The following INTS3 variants were observed in gnomAD, a reference collection of about 807,000 sequenced individuals.
INTS3 encodes the protein integrator complex subunit 3.
In INTS3, 34 loss-of-function variants were observed where a neutral mutation model predicts 146.3. That is an observed-to-expected ratio of 0.23 (90% CI 0.18 to 0.31). The LOEUF is 0.31. INTS3 is among the 10% of genes least tolerant of loss of function. The pLI is 1.00. For missense variants in INTS3, 757 were observed against 1,304.2 expected (o/e 0.58, Z 6.46); for synonymous variants, 475 against 494.9 (o/e 0.96, Z 0.53).
chr1:153,754,782 C>T, intron 9 of INTS3, 43 bp downstream of exon 9: 1 of 1,281,368 alleles, frequency 7.8e-7, no homozygotes, highest in Non-Finnish European at 1.1e-6. Context: ...CACACGCTGG[C>T]TGGGCTTCTT....
intron 9 of INTS3, 118 bp downstream of exon 9, chr1:153,754,857 C>T: frequency 1.4e-6 from 1 of 713,128 alleles, no homozygotes; most frequent in African/African-American, 1.7e-5. Flanking sequence ...AATGATCGTA[C>T]CTGATCTACC....
At position 153,761,594 on chromosome 1, in the gene INTS3, C is replaced by T. The variant is rs1349888473; in HGVS notation, c.1434C>T (p.Asn478=). ...GACACCTAGCTCCCCTGTTTGACAA[C>T]CCTAAGTTGGATAAGGAGCTGCGGG... The part of the protein sequence containing the change: ...VLAHLAPLFD[N]PKLDKELRAM... The change falls in exon 14 of 30, where the codon AAC becomes AAT. Residue 478 remains asparagine, a synonymous_variant. Transcript: ENST00000318967. 2 of 1,614,056 alleles carry T rather than the reference C, an allele frequency of 1.2e-6. No individual in the cohort carries two copies. The highest frequency in any genetic ancestry group is 1.7e-6 in the Non-Finnish European group (2 of 1,179,854).
chr1:153,758,891 T>C (rs1672265164), intron 10 of INTS3, among the ~76,000 whole-genome samples: 1 of 151,764 alleles, frequency 6.6e-6, no homozygotes, highest in African/African-American at 2.4e-5. Context: ...GAGGATCACT[T>C]GAGCCCAGGA....
intron 8 of INTS3, among the ~76,000 whole-genome samples, chr1:153,754,392 A>T (rs997585478): frequency 2.0e-5 from 3 of 152,134 alleles, no homozygotes; most frequent in African/African-American, 7.2e-5. Context: ...TGTGGGTAGG[A>T]GACTCTGGAA....
At position 153,773,242 on chromosome 1, in the gene INTS3, C is replaced by T. The variant is rs762646360; in HGVS notation, c.3101C>T (p.Ser1034Phe). The T allele has an allele frequency of 6.2e-6, 10 of 1,613,962 alleles. No individual in the cohort carries two copies. The highest frequency in any genetic ancestry group is 1.3e-5 in the African/African-American group (1 of 74,884). ...CCTACCAAGCGGAAACGAAAAGGGT[C>T]CTCTGCAGTGGGCTCTGACAGTGAC... ...PKPTKRKRKG[S>F]SAVGSDSD Residue 1034 changes from serine (S) to phenylalanine (F), a missense_variant, in exon 30 of 30, where the codon TCC (serine) becomes TTC (phenylalanine). This residue lies in a region of INTS3 where 125 missense variants were observed against 165.6 expected (regional missense o/e 0.75). Coordinates refer to ENST00000318967, the MANE Select transcript of INTS3 (RefSeq NM_023015.5).
At chr1:153,735,140 C>G (rs1243498596) in intron 1 of INTS3, among the ~76,000 whole-genome samples, 1 of 152,010 alleles carries the variant, frequency 6.6e-6, no homozygotes, top group Non-Finnish European at 1.5e-5. Flanking sequence ...TAATTTTTAA[C>G]ATTTTTTTTG....
chr1:153,749,670 G>C (rs950920946), intron 6 of INTS3, among the ~76,000 whole-genome samples: 2 of 152,206 alleles, frequency 1.3e-5, no homozygotes, highest in African/African-American at 4.8e-5. Flanking sequence ...GCACTAGCAC[G>C]TGAGATCCTA....
chr1:153,771,691 T>G, intron 25 of INTS3, 105 bp from the exon 26 acceptor site: 1 of 1,047,172 alleles, frequency 9.5e-7, no homozygotes, highest in Non-Finnish European at 1.4e-6. Flanking sequence ...GATGTGAGAG[T>G]AGTGGGTGGG....
chr1:153,765,184 G>A (rs1672530985), intron 20 of INTS3, 121 bp downstream of exon 20: 2 of 1,080,228 alleles, frequency 1.9e-6, no homozygotes, highest in Non-Finnish European at 2.7e-6. Context: ...GGTCTGTTTG[G>A]TTGAGTTGGT....
rs142072279 is a variant in INTS3, at chr1:153,740,682, C to T, written c.182C>T (p.Ser61Leu). Residue 61 changes from serine (S) to leucine (L), a missense_variant, in exon 2 of 30, where the codon TCG (serine) becomes TTG (leucine). Transcript: ENST00000318967. ...RLERCMSIVT[S>L]MTAGVSEREA... ...GAAAGGTGTATGAGCATTGTGACAT[C>T]GATGACTGCTGGTGTCTCGGAGAGA... The T allele has an allele frequency of 1.4e-5, 23 of 1,613,918 alleles. No individual in the cohort carries two copies. The African/African-American group carries it at 1.9e-4, about 13-fold the overall frequency.
Position 153,757,861 on chromosome 1 carries a change from G to T in INTS3, c.1149+98G>T. The T allele has an allele frequency of 1.1e-6, 1 of 950,836 alleles. No individual in the cohort carries two copies. The highest frequency in any genetic ancestry group is 2.5e-5 in the East Asian group (1 of 40,242). The allele number at this position is 950,836 out of a possible 1,614,324, so 58.9% of individuals were successfully genotyped here. A position where few individuals can be genotyped will look rare whatever the true frequency, so the allele number is the denominator to read the frequency against. ...GACTCCAGGGCCACTTGACCCCTAAGGGCCCTTCTTTCACTCTGGTCTTCC... is the reference window on the plus strand; with the variant it reads ...GACTCCAGGGCCACTTGACCCCTAATGGCCCTTCTTTCACTCTGGTCTTCC... On this transcript the variant is annotated intron_variant, in intron 10 of 29. Coordinates refer to ENST00000318967, the MANE Select transcript of INTS3 (RefSeq NM_023015.5). This position sits in a 1 kb window ranked among gnomAD's most constrained non-coding sequence, Gnocchi z 4.0.
At chr1:153,753,446 A>G (rs906095019) in intron 8 of INTS3, among the ~76,000 whole-genome samples, 3 of 151,414 alleles carry the variant, frequency 2.0e-5, no homozygotes, top group Non-Finnish European at 4.4e-5. Flanking sequence ...ATTCCCAGCT[A>G]CTCGGGAGGC....
chr1:153,736,903 A>G (rs1192834460), intron 1 of INTS3, among the ~76,000 whole-genome samples: 4 of 151,206 alleles, frequency 2.6e-5, no homozygotes, highest in Non-Finnish European at 4.4e-5. Flanking sequence ...AGCTGGGACT[A>G]CAGGCGCCTG....
intron 9 of INTS3, 114 bp downstream of exon 9, chr1:153,754,853 C>G (rs1467880468): frequency 2.7e-6 from 2 of 731,988 alleles, no homozygotes; most frequent in African/African-American, 3.5e-5. Flanking sequence ...GCTAAATGAT[C>G]GTACCTGATC....
chr1:153,748,791 A>T (rs1671848351), intron 6 of INTS3, 36 bp downstream of exon 6: 2 of 1,504,864 alleles, frequency 1.3e-6, no homozygotes, highest in Non-Finnish European at 1.9e-6. Flanking sequence ...TACAGGCCAG[A>T]TAATGGCCAT....
rs1000734252 is a variant in INTS3, at chr1:153,728,153, C to T, written c.-482C>T. 6 of 397,900 alleles carry T rather than the reference C, an allele frequency of 1.5e-5. No individual in the cohort carries two copies. The highest frequency in any genetic ancestry group is 2.7e-5 in the Non-Finnish European group (6 of 225,712). The allele number at this position is 397,900 out of a possible 1,614,324, so 24.6% of individuals were successfully genotyped here. ...AGCGCTTATTGCCTCACCCTCACCC[C>T]CTAGGGGCCGGATCCAAAGGCGCTG... On this transcript the variant is annotated 5_prime_UTR_variant, in exon 1 of 30. Transcript: ENST00000318967.
intron 7 of INTS3, 189 bp from the exon 8 acceptor site, chr1:153,752,090 C>T: frequency 3.1e-6 from 2 of 637,778 alleles, no homozygotes; most frequent in South Asian, 3.8e-5. Flanking sequence ...TGATATCAGT[C>T]CCCAGCTTCC....
chr1:153,730,128 G>T (rs547422319), intron 1 of INTS3, among the ~76,000 whole-genome samples: 3 of 152,148 alleles, frequency 2.0e-5, no homozygotes, highest in Non-Finnish European at 2.9e-5. Context: ...AATGAACTTT[G>T]TGAATCAAGA....
intron 24 of INTS3, 30 bp from the exon 25 acceptor site, chr1:153,770,655 C>T (rs780793227): frequency 1.3e-6 from 2 of 1,599,552 alleles, no homozygotes; most frequent in African/African-American, 1.3e-5. Context: ...CATACCTTCC[C>T]CCTGAACAGC....
Sources: gnomAD v4.1 joint callset for allele counts (sites outside exome capture counted in the v4.1 genomes callset) on GRCh38, gnomAD v4.1.1 for gene constraint, gnomAD v4.1.1 regional missense constraint, Gnocchi (gnomAD v3.1) non-coding constraint, MANE v1.5 for transcripts, NCBI Gene and HGNC (gene_info 2026-07-23, HGNC 2026-07-21) for gene names.